Variants in CDH4 observed in about 807,000 individuals in gnomAD.
CDH4 encodes cadherin-4.
CDH4 carries 33 observed loss-of-function variants against 86.0 expected under a neutral mutation model. That is an observed-to-expected ratio of 0.38 (90% CI 0.29 to 0.51). The LOEUF is 0.51. Among genes scored for constraint, CDH4 ranks in the 20% least tolerant of loss-of-function variants. The pLI is 0.86. For missense variants in CDH4, 1,114 were observed against 1,307.4 expected (o/e 0.85, Z 2.28); for synonymous variants, 555 against 549.4 (o/e 1.01, Z -0.14).
At chr20:61,806,948 C>T (rs1281374856) in intron 4 of CDH4, among the ~76,000 whole-genome samples, 1 of 152,144 alleles carries the variant, frequency 6.6e-6, no homozygotes, top group Non-Finnish European at 1.5e-5. Context: ...CCGTAATGCA[C>T]GGTACAGAGA....
Position 61,761,261 on chromosome 20 carries a change from AC to A in CDH4, c.397-11739del, listed in dbSNP as rs530166898. On this transcript the variant is annotated intron_variant, in intron 3 of 15. Transcript: ENST00000614565. The stretch of plus-strand genomic sequence containing the variant: ...ATAATTTCCTTTTGAAGCATGTTTA[AC>A]CCAAAGCTATAAGGAAGCAATGAGA... Among the ~76,000 whole-genome samples the A allele has an allele frequency of 8.5e-5, 13 of 152,314 alleles. No individual in the cohort carries two copies. The East Asian group carries it at 2.3e-3, about 27-fold the overall frequency.
At chr20:61,524,307 A>C (rs2085894764) in intron 2 of CDH4, among the ~76,000 whole-genome samples, 1 of 152,184 alleles carries the variant, frequency 6.6e-6, no homozygotes. Context: ...ACCCGGGGAA[A>C]GCTGGAGAAG....
chr20:61,344,752 A>G (rs1950929094), intron 2 of CDH4, among the ~76,000 whole-genome samples: 1 of 152,152 alleles, frequency 6.6e-6, no homozygotes, highest in Non-Finnish European at 1.5e-5. Flanking sequence ...TTAATATTTT[A>G]CTTTTTGTGT....
rs1160445586 is a variant in CDH4 at position 61,681,209 on chromosome 20, C to G, written c.170-62354C>G. Among the ~76,000 whole-genome samples, 1 of 152,206 alleles carries G rather than the reference C, an allele frequency of 6.6e-6. No homozygotes were observed. Among genetic ancestry groups the G allele is most frequent in the Non-Finnish European group, 1.5e-5 (1 of 68,040 alleles). On this transcript the variant is annotated intron_variant, in intron 2 of 15. Coordinates refer to ENST00000614565, the MANE Select transcript of CDH4 (RefSeq NM_001794.5). This position sits in a 1 kb window ranked among gnomAD's most constrained non-coding sequence, Gnocchi z 4.5. ...GCTTTTTTTCTCTTTCAGCCACACACAGTCAAATTTGAGGCATAATTTGCT... is the reference window on the plus strand; with the variant it reads ...GCTTTTTTTCTCTTTCAGCCACACAGAGTCAAATTTGAGGCATAATTTGCT...
chr20:61,450,897 T>C (rs1322532098), intron 2 of CDH4, among the ~76,000 whole-genome samples: 1 of 151,736 alleles, frequency 6.6e-6, no homozygotes, highest in African/African-American at 2.4e-5. Flanking sequence ...CCCAGCAGTT[T>C]GCTGAATAAA....
At chr20:61,707,219 G>A (rs753019443) in intron 2 of CDH4, among the ~76,000 whole-genome samples, 2 of 152,250 alleles carry the variant, frequency 1.3e-5, no homozygotes, top group Non-Finnish European at 2.9e-5. Flanking sequence ...GACAGCACCC[G>A]CTTTGTCTTC....
At chr20:61,756,720 A>G (rs2088569455) in intron 3 of CDH4, among the ~76,000 whole-genome samples, 1 of 152,038 alleles carries the variant, frequency 6.6e-6, no homozygotes, top group Non-Finnish European at 1.5e-5. Flanking sequence ...TGAGTTCCCC[A>G]GGGCTGGCTG....
At chr20:61,567,330 C>T (rs2086306509) in intron 2 of CDH4, among the ~76,000 whole-genome samples, 1 of 152,170 alleles carries the variant, frequency 6.6e-6, no homozygotes, top group South Asian at 2.1e-4. Context: ...CAGAAATGTA[C>T]TTTTCACAGT....
chr20:61,784,914 C>T (rs1430197632), intron 4 of CDH4, among the ~76,000 whole-genome samples: 6 of 152,166 alleles, frequency 3.9e-5, no homozygotes, highest in Admixed American at 2.6e-4. Context: ...CAGGCTGGAT[C>T]CTGGCCTCCT....
In CDH4 at chr20:61,305,800, C is replaced by T. The variant is rs143833336; in HGVS notation, c.169+50863C>T. On this transcript the variant is annotated intron_variant, in intron 2 of 15. Transcript: ENST00000614565. ...GCTGCCACATCACAAATGGATTTGG[C>T]AAATGGCTCGCCAGGAGATCCGTGG... is the stretch of plus-strand genomic sequence containing the variant. Among the ~76,000 whole-genome samples, 7 of 152,314 alleles carry T rather than the reference C, an allele frequency of 4.6e-5. No homozygotes were observed. In the South Asian group the frequency reaches 1.2e-3, roughly 27 times the overall value.
intron 2 of CDH4, among the ~76,000 whole-genome samples, chr20:61,359,443 C>T (rs1299708247): frequency 7.9e-5 from 12 of 152,196 alleles, no homozygotes; most frequent in African/African-American, 1.7e-4. Flanking sequence ...GTGAAGCTCC[C>T]GACTTCCCCA....
chr20:61,412,292 AGAGCCGTCTGTGCAGTCCCTCCC>A (rs1449952570), intron 2 of CDH4, among the ~76,000 whole-genome samples: 5 of 152,160 alleles, frequency 3.3e-5, no homozygotes, highest in Non-Finnish European at 5.9e-5. Context: ...TTGACTCCCC[AGAGCCGTCTGTGCAGTCCCTCCC>A]TGACCATGGT....
intron 2 of CDH4, among the ~76,000 whole-genome samples, chr20:61,646,522 A>G (rs1425505664): frequency 6.6e-6 from 1 of 152,058 alleles, no homozygotes; most frequent in Non-Finnish European, 1.5e-5. Context: ...CCAGCCGTTC[A>G]CCCCCTCTGG....
At chr20:61,280,014 T>TTGCCTGCAGCTGTGTGGGTGGGGC (rs1455677644) in intron 2 of CDH4, among the ~76,000 whole-genome samples, 16 of 151,920 alleles carry the variant, frequency 1.1e-4, no homozygotes, top group African/African-American at 3.9e-4. Flanking sequence ...ATCGGTGGGG[T>TTGCCTGCAGCTGTGTGGGTGGGGC]TGCCTGCAGC....
chr20:61,780,227 C>T (rs866272980), intron 4 of CDH4, among the ~76,000 whole-genome samples: 1 of 152,228 alleles, frequency 6.6e-6, no homozygotes, highest in South Asian at 2.1e-4. Context: ...GGCTCGTAGC[C>T]TTGGTCACCT....
intron 6 of CDH4, among the ~76,000 whole-genome samples, chr20:61,868,933 G>A (rs1305862232): frequency 6.6e-6 from 1 of 152,130 alleles, no homozygotes; most frequent in Admixed American, 6.5e-5. Flanking sequence ...CAGCTCACAG[G>A]CTGTGGTGGA....
At position 61,793,730 on chromosome 20, in the gene CDH4, C is replaced by T. The variant is rs553014660; in HGVS notation, c.576+20548C>T. Among the ~76,000 whole-genome samples the T allele has an allele frequency of 2.8e-3, 429 of 151,504 alleles. 1 individual carries two copies. The highest frequency in any genetic ancestry group is 5.0e-3 in the Non-Finnish European group (339 of 67,906). On this transcript the variant is annotated intron_variant, in intron 4 of 15. Coordinates refer to ENST00000614565, the MANE Select transcript of CDH4 (RefSeq NM_001794.5). ...TGGCAGACACCTGTAATCCCAGCTACTTGGGAGGCTGAGGCAGAGAATTGC... is the reference window on the plus strand; with the variant it reads ...TGGCAGACACCTGTAATCCCAGCTATTTGGGAGGCTGAGGCAGAGAATTGC...
intron 2 of CDH4, among the ~76,000 whole-genome samples, chr20:61,506,866 A>G (rs557848995): frequency 1.2e-3 from 184 of 152,318 alleles, no homozygotes; most frequent in African/African-American, 4.2e-3. Flanking sequence ...GAAAGGAACC[A>G]TGGACACTGT....
chr20:61,769,662 A>G (rs2088750881), intron 3 of CDH4, among the ~76,000 whole-genome samples: 1 of 152,008 alleles, frequency 6.6e-6, no homozygotes, highest in African/African-American at 2.4e-5. Context: ...GCATGGCAGG[A>G]AAGTGGGAAT....
Sources: gnomAD v4.1 joint callset for allele counts (sites outside exome capture counted in the v4.1 genomes callset) on GRCh38, gnomAD v4.1.1 for gene constraint, Gnocchi (gnomAD v3.1) non-coding constraint, MANE v1.5 for transcripts, NCBI Gene and HGNC (gene_info 2026-07-23, HGNC 2026-07-21) for gene names.